The following CERKL variants were observed in gnomAD, a reference collection of about 807,000 sequenced individuals.
CERKL encodes the protein ceramide kinase-like protein.
A neutral mutation model predicts 63.4 loss-of-function variants in CERKL; 61 were observed. The ratio of observed to expected loss-of-function variants is 0.96; its 90% confidence interval spans 0.78 to 1.19. The LOEUF is 1.19. Among genes scored for constraint, CERKL ranks in the 50% most tolerant of loss-of-function variants. CERKL has a pLI of 0.00. For missense variants in CERKL, 675 were observed against 655.5 expected, an observed-to-expected ratio of 1.03 and a Z score of -0.33; for synonymous variants, 250 against 230.5, an observed-to-expected ratio of 1.08 and a Z score of -0.77.
chr2:181,641,332 TATATATATATATAC>T (rs1249206944), intron 1 of CERKL, among the ~76,000 whole-genome samples: 1,736 of 10,316 alleles, frequency 0.17, 58 homozygotes, highest in Middle Eastern at 0.22. Context: ...TATATATATA[TATATATATATATAC>T]ATATATATAC....
intron 1 of CERKL, among the ~76,000 whole-genome samples, chr2:181,636,948 A>G (rs955958009): frequency 3.9e-5 from 6 of 152,200 alleles, no homozygotes; most frequent in Admixed American, 6.5e-5. Context: ...TGAATATCTG[A>G]AGACAGAAAT....
At position 181,558,675 on chromosome 2, in the gene CERKL, G is replaced by T; in HGVS notation, c.711C>A (p.Ser237Arg). 1 of 1,613,562 alleles carries T rather than the reference G, an allele frequency of 6.2e-7. No individual in the cohort carries two copies. The highest frequency in any genetic ancestry group is 8.5e-7 in the Non-Finnish European group (1 of 1,179,752). ...VVCVGGDGSA[S>R]EVAHALLLRA... ...TCAGAAGCAAAGCATGGGCTACTTC[G>T]CTAGCAGATCCATCTCCACCAACAC... Residue 237 changes from serine to arginine, a missense_variant, in exon 5 of 13, where the codon AGC becomes AGA. Transcript: ENST00000410087. This position sits in a 1 kb window ranked among gnomAD's most constrained non-coding sequence, Gnocchi z 4.2.
At chr2:181,589,549 T>C (rs1684901530) in intron 2 of CERKL, among the ~76,000 whole-genome samples, 1 of 152,244 alleles carries the variant, frequency 6.6e-6, no homozygotes, top group Non-Finnish European at 1.5e-5. Flanking sequence ...TTTAATTCAT[T>C]TTGTTCCAGT....
At chr2:181,631,218 G>A (rs565744373) in intron 1 of CERKL, among the ~76,000 whole-genome samples, 39 of 152,234 alleles carry the variant, frequency 2.6e-4, no homozygotes, top group Admixed American at 2.0e-3. Flanking sequence ...TTACTCCCAG[G>A]TTTTCACTGG....
rs199929278 is a variant in CERKL at position 181,537,168 on chromosome 2, G to A, written c.*1016C>T. The stretch of plus-strand genomic sequence containing the variant: ...ATAAAAAGGCTAGTCATTCTTTCAG[G>A]AGAACATCTAGGATCATAGATGAAA... On this transcript the variant is annotated 3_prime_UTR_variant, in exon 13 of 13. Transcript: ENST00000410087. The A allele has an allele frequency of 4.4e-5, 20 of 453,896 alleles. 1 individual carries two copies. Among genetic ancestry groups the A allele is most frequent in the South Asian group, 2.9e-4 (19 of 64,454 alleles). 28.1% of individuals were successfully genotyped at this position (453,896 alleles called of 1,614,324 possible).
intron 1 of CERKL, among the ~76,000 whole-genome samples, chr2:181,654,054 T>A (rs1301351983): frequency 1.3e-5 from 2 of 152,126 alleles, no homozygotes; most frequent in Non-Finnish European, 2.9e-5. Context: ...TAAATTTTTT[T>A]AAACAATTAA....
chr2:181,562,111 C>T (rs1161616544), intron 4 of CERKL, among the ~76,000 whole-genome samples: 1 of 152,032 alleles, frequency 6.6e-6, no homozygotes, highest in African/African-American at 2.4e-5. Context: ...ACTGCTAAGC[C>T]ACTGCACCCA....
chr2:181,608,193 C>T (rs1685799557), intron 1 of CERKL, among the ~76,000 whole-genome samples: 1 of 151,708 alleles, frequency 6.6e-6, no homozygotes. Flanking sequence ...TTAAGAGTTG[C>T]CTCTACACAT....
Position 181,536,880 on chromosome 2 carries a change from T to C in CERKL, c.*1304A>G, listed in dbSNP as rs759072113. 6 of 452,680 alleles carry C rather than the reference T, an allele frequency of 1.3e-5. No homozygotes were observed. The highest frequency in any genetic ancestry group is 6.9e-5 in the East Asian group (1 of 14,390). 28.0% of individuals were successfully genotyped at this position (452,680 alleles called of 1,614,324 possible). ...GTGGCCGAATTTTGAACATCTGTTATAGGGAGTGATCAAATTAGAAGGCAA... is the reference window on the plus strand; with the variant it reads ...GTGGCCGAATTTTGAACATCTGTTACAGGGAGTGATCAAATTAGAAGGCAA... On this transcript the variant is annotated 3_prime_UTR_variant, in exon 13 of 13. Coordinates refer to ENST00000410087, the MANE Select transcript of CERKL (RefSeq NM_201548.5).
chr2:181,536,766 A>ATCCAGAAAGT lies in CERKL; in HGVS notation c.*1417_*1418insACTTTCTGGA, dbSNP rs1559062028. ...TGGATTTTAAAAAATTTCTTTAAATACAATCATTTTTGTAATATTTATTTT... is the reference window on the plus strand; with the variant it reads ...TGGATTTTAAAAAATTTCTTTAAATATCCAGAAAGTCAATCATTTTTGTAATATTTATTTT... On this transcript the variant is annotated 3_prime_UTR_variant, in exon 13 of 13. Coordinates refer to ENST00000410087, the MANE Select transcript of CERKL (RefSeq NM_201548.5). 1 of 248,540 alleles carries ATCCAGAAAGT rather than the reference A, an allele frequency of 4.0e-6. No individual in the cohort carries two copies. Among genetic ancestry groups the ATCCAGAAAGT allele is most frequent in the African/African-American group, 2.3e-5 (1 of 43,556 alleles). 15.4% of individuals were successfully genotyped at this position (248,540 alleles called of 1,614,324 possible).
intron 8 of CERKL, 138 bp from the exon 9 acceptor site, chr2:181,547,985 G>A (rs1687810408): frequency 1.3e-6 from 1 of 771,422 alleles, no homozygotes; most frequent in Admixed American, 3.1e-5. Flanking sequence ...CAATTAGATA[G>A]TAAGTAAAAA....
At chr2:181,645,088 A>G (rs918611236) in intron 1 of CERKL, among the ~76,000 whole-genome samples, 1 of 152,164 alleles carries the variant, frequency 6.6e-6, no homozygotes, top group African/African-American at 2.4e-5. Flanking sequence ...ACCCAAACAG[A>G]CAGACTCAGG....
chr2:181,602,516 G>A (rs1430983221), intron 2 of CERKL, among the ~76,000 whole-genome samples: 1 of 152,100 alleles, frequency 6.6e-6, no homozygotes, highest in Non-Finnish European at 1.5e-5. Flanking sequence ...GCCTCTGTGG[G>A]TTCTTGTCTT....
At chr2:181,552,225 T>C (rs1688016919) in intron 5 of CERKL, among the ~76,000 whole-genome samples, 1 of 152,158 alleles carries the variant, frequency 6.6e-6, no homozygotes, top group Non-Finnish European at 1.5e-5. Flanking sequence ...AGATCTGTTA[T>C]ACAACCTAGT....
rs1267362169 is a variant in CERKL at position 181,609,533 on chromosome 2, T to TGAAAAAAAAA, written c.239-5455_239-5454insTTTTTTTTTC. ...CACCATGGTGAAACCCTGTCTCTAC[T>TGAAAAAAAAA]AAAAAAAAAAAAAAAAAAAAAAATT... On this transcript the variant is annotated intron_variant, in intron 1 of 12. Coordinates refer to ENST00000410087, the MANE Select transcript of CERKL (RefSeq NM_201548.5). Among the ~76,000 whole-genome samples, 106 of 70,226 alleles carry TGAAAAAAAAA rather than the reference T, an allele frequency of 1.5e-3. 7 individuals carry two copies. The highest frequency in any genetic ancestry group is 4.9e-3 in the African/African-American group (104 of 21,100). The allele number at this position is 70,226 out of a possible 152,430, so 46.1% of individuals were successfully genotyped here.
At chr2:181,651,897 A>G in intron 1 of CERKL, among the ~76,000 whole-genome samples, 1 of 110,358 alleles carries the variant, frequency 9.1e-6, no homozygotes, top group East Asian at 3.6e-4. Flanking sequence ...AAACAATTCC[A>G]TTTATAGTAC....
At position 181,538,107 on chromosome 2, in the gene CERKL, C is replaced by A. The variant is rs1574424314; in HGVS notation, c.*77G>T. ...AAACTGGTCCCAAAAAGGGTGGGGA[C>A]CACAGGTTTAAAGCATGGCCACATT... is the stretch of plus-strand genomic sequence containing the variant. On this transcript the variant is annotated 3_prime_UTR_variant, in exon 13 of 13. Coordinates refer to ENST00000410087, the MANE Select transcript of CERKL (RefSeq NM_201548.5). The A allele has an allele frequency of 8.0e-6, 8 of 999,094 alleles. No individual in the cohort carries two copies. The East Asian group carries it at 1.9e-4, about 24-fold the overall frequency. The allele number at this position is 999,094 out of a possible 1,614,324, so 61.9% of individuals were successfully genotyped here.
At chr2:181,607,046 T>C (rs1044565195) in intron 1 of CERKL, among the ~76,000 whole-genome samples, 1 of 152,222 alleles carries the variant, frequency 6.6e-6, no homozygotes, top group East Asian at 1.9e-4. Context: ...TATCTATCTA[T>C]AATTATTGTA....
chr2:181,576,743 G>T (rs773349945), intron 2 of CERKL, among the ~76,000 whole-genome samples: 5 of 152,232 alleles, frequency 3.3e-5, no homozygotes, highest in Admixed American at 6.5e-5. Context: ...TGAAGTGACT[G>T]CAGTGGAGGT....
Sources: allele counts gnomAD v4.1 joint callset (sites outside exome capture counted in the v4.1 genomes callset), GRCh38; gene constraint gnomAD v4.1.1; non-coding constraint Gnocchi (gnomAD v3.1); transcripts MANE v1.5; gene names NCBI Gene and HGNC (gene_info 2026-07-23, HGNC 2026-07-21).